The following STAG1 variants were observed in gnomAD, a reference collection of about 807,000 sequenced individuals.
STAG1 encodes cohesin subunit SA-1.
A neutral mutation model predicts 170.9 loss-of-function variants in STAG1; 26 were observed. The ratio of observed to expected loss-of-function variants is 0.15; its 90% confidence interval spans 0.11 to 0.21. The LOEUF is 0.21. Among genes scored for constraint, STAG1 ranks in the 10% least tolerant of loss-of-function variants. The pLI, the probability that STAG1 is intolerant of heterozygous loss-of-function variation, is 1.00. For missense variants in STAG1, 964 were observed against 1,509.5 expected, an observed-to-expected ratio of 0.64 and a Z score of 5.99; for synonymous variants, 514 against 497.7, an observed-to-expected ratio of 1.03 and a Z score of -0.44.
chr3:136,716,597 G>C (rs913163108), intron 1 of STAG1, among the ~76,000 whole-genome samples: 4 of 152,260 alleles, frequency 2.6e-5, no homozygotes, highest in Admixed American at 1.3e-4. Flanking sequence ...AGTGAGCCAT[G>C]ATGGCACCAA....
chr3:136,550,998 T>G (rs1178743195), intron 5 of STAG1, among the ~76,000 whole-genome samples: 1 of 152,162 alleles, frequency 6.6e-6, no homozygotes, highest in Non-Finnish European at 1.5e-5. Context: ...CATGAACATC[T>G]AGATGCAAGT....
intron 4 of STAG1, among the ~76,000 whole-genome samples, chr3:136,570,235 A>T (rs1937219363): frequency 6.6e-6 from 1 of 152,180 alleles, no homozygotes; most frequent in African/African-American, 2.4e-5. Flanking sequence ...CACAAAGGGT[A>T]ATTATTATAC....
At chr3:136,589,922 T>G (rs1390513843) in intron 4 of STAG1, among the ~76,000 whole-genome samples, 1 of 148,322 alleles carries the variant, frequency 6.7e-6, no homozygotes, top group Non-Finnish European at 1.5e-5. Context: ...CAGAGCGAGA[T>G]TCCATCTCAA....
chr3:136,472,367 G>T (rs372255988), intron 12 of STAG1, 46 bp downstream of exon 12: 34 of 1,386,366 alleles, frequency 2.5e-5, no homozygotes, highest in African/African-American at 1.7e-4. Context: ...TGGGGAAAAG[G>T]TATTAAAATA....
chr3:136,471,896 G>T (rs2089636944), intron 12 of STAG1, among the ~76,000 whole-genome samples: 1 of 152,118 alleles, frequency 6.6e-6, no homozygotes, highest in Admixed American at 6.6e-5. Flanking sequence ...GGAATGCAGT[G>T]GCTCCATTAC....
rs1441310987 is a variant in STAG1, at chr3:136,500,215, T to C, written c.902+8A>G. On this transcript the variant is annotated splice_region_variant and intron_variant, in intron 9 of 33. Coordinates refer to ENST00000383202, the MANE Select transcript of STAG1 (RefSeq NM_005862.3). ...AAAGCCTTCAAAATTATTTTTAAAATCTCTTACCGGTATCTATGAACAAAT... is the reference window on the plus strand; with the variant it reads ...AAAGCCTTCAAAATTATTTTTAAAACCTCTTACCGGTATCTATGAACAAAT... 2.0e-6 allele frequency: 3 copies of C among 1,508,196 alleles called. No individual in the cohort carries two copies. The highest frequency in any genetic ancestry group is 9.1e-7 in the Non-Finnish European group (1 of 1,098,632). The allele number at this position is 1,508,196 out of a possible 1,614,324, so 93.4% of individuals were successfully genotyped here. A position where few individuals can be genotyped will look rare whatever the true frequency, so the allele number is the denominator to read the frequency against.
In STAG1 at chr3:136,558,352, G is replaced by A. The variant is rs187603171; in HGVS notation, c.394+10413C>T. Reference sequence around the variant, plus strand: ...GGTTGCAGTGAGCCAAGATTGCACCGCTGCACTCCAGCCTGGGAAACAGAG... The same window carrying A: ...GGTTGCAGTGAGCCAAGATTGCACCACTGCACTCCAGCCTGGGAAACAGAG... On this transcript the variant is annotated intron_variant, in intron 5 of 33. Transcript: ENST00000383202. Among the ~76,000 whole-genome samples, 42 of 152,166 alleles carry A rather than the reference G, an allele frequency of 2.8e-4. No homozygotes were observed. The Middle Eastern group carries it at 0.01, about 37-fold the overall frequency.
At chr3:136,685,087 G>T (rs1418292806) in intron 1 of STAG1, among the ~76,000 whole-genome samples, 4 of 152,134 alleles carry the variant, frequency 2.6e-5, no homozygotes, top group African/African-American at 9.7e-5. Flanking sequence ...AGCCAAGGCA[G>T]GTGGATCACC....
intron 3 of STAG1, among the ~76,000 whole-genome samples, chr3:136,613,541 T>C (rs1205131734): frequency 3.9e-5 from 6 of 152,240 alleles, no homozygotes; most frequent in African/African-American, 1.4e-4. Context: ...GACTAGAATG[T>C]AATGATGCAA....
In STAG1 at chr3:136,462,195, A is replaced by G. The variant is rs2089293960; in HGVS notation, c.1313+2686T>C. On this transcript the variant is annotated intron_variant, in intron 13 of 33. Coordinates refer to ENST00000383202, the MANE Select transcript of STAG1 (RefSeq NM_005862.3). ...TGATCAAGCAACTCCACTGCTAAGT[A>G]TATATCTACAAGAAAAAAATCAGCA... Among the ~76,000 whole-genome samples, 4 of 152,262 alleles carry G rather than the reference A, an allele frequency of 2.6e-5. No individual in the cohort carries two copies. The South Asian group carries it at 8.3e-4, about 32-fold the overall frequency.
intron 22 of STAG1, among the ~76,000 whole-genome samples, chr3:136,381,365 G>A (rs185116157): frequency 6.6e-6 from 1 of 152,124 alleles, no homozygotes; most frequent in African/African-American, 2.4e-5. Context: ...TTGAGAAGTA[G>A]AAATAAAACC....
intron 1 of STAG1, among the ~76,000 whole-genome samples, chr3:136,658,363 T>C (rs1481179145): frequency 6.6e-6 from 1 of 152,160 alleles, no homozygotes; most frequent in African/African-American, 2.4e-5. Flanking sequence ...TTTTCTGTAA[T>C]ATTCCTGAGT....
At chr3:136,462,645 C>A (rs2089306873) in intron 13 of STAG1, among the ~76,000 whole-genome samples, 1 of 152,058 alleles carries the variant, frequency 6.6e-6, no homozygotes, top group Non-Finnish European at 1.5e-5. Context: ...TGGAATATTT[C>A]AAAATATTTA....
chr3:136,550,489 A>G (rs1001167981), intron 5 of STAG1, among the ~76,000 whole-genome samples: 1 of 151,904 alleles, frequency 6.6e-6, no homozygotes, highest in African/African-American at 2.4e-5. Context: ...TTGTATTTTT[A>G]GTAGTGACAG....
chr3:136,560,458 T>C (rs1238499609), intron 5 of STAG1, among the ~76,000 whole-genome samples: 1 of 152,244 alleles, frequency 6.6e-6, no homozygotes, highest in African/African-American at 2.4e-5. Context: ...ATACATGCTA[T>C]AATTCTGTGT....
intron 1 of STAG1, among the ~76,000 whole-genome samples, chr3:136,648,204 T>A (rs1941096735): frequency 6.6e-6 from 1 of 152,200 alleles, no homozygotes; most frequent in Admixed American, 6.5e-5. Flanking sequence ...CTCCACATTA[T>A]CCTAGTCTTT....
At chr3:136,658,540 T>C (rs1002506787) in intron 1 of STAG1, among the ~76,000 whole-genome samples, 5 of 149,924 alleles carry the variant, frequency 3.3e-5, no homozygotes, top group Non-Finnish European at 7.4e-5. Flanking sequence ...ACTAGTACCA[T>C]AATCAATAAT....
chr3:136,664,288 T>C (rs969004434), intron 1 of STAG1, among the ~76,000 whole-genome samples: 3 of 152,224 alleles, frequency 2.0e-5, no homozygotes, highest in South Asian at 2.1e-4. Context: ...TAAATTGCAA[T>C]GTAAAATGTA....
At chr3:136,421,053 G>A (rs1438759714) in intron 20 of STAG1, 40 bp downstream of exon 20, 3 of 1,338,562 alleles carry the variant, frequency 2.2e-6, no homozygotes, top group Non-Finnish European at 3.1e-6. Flanking sequence ...TTACAGGCAT[G>A]AGCCACCTCG....
Sources: allele counts gnomAD v4.1 joint callset (sites outside exome capture counted in the v4.1 genomes callset), GRCh38; gene constraint gnomAD v4.1.1; transcripts MANE v1.5; gene names NCBI Gene and HGNC (gene_info 2026-07-23, HGNC 2026-07-21).